The following ROBO2 variants were observed in gnomAD, a reference collection of about 807,000 sequenced individuals.
ROBO2 encodes the protein roundabout guidance receptor 2, also known as roundabout homolog 2.
In ROBO2, 53 loss-of-function variants were observed where a neutral mutation model predicts 160.8. That is an observed-to-expected ratio of 0.33 (90% CI 0.26 to 0.41). The LOEUF (loss-of-function observed/expected upper bound fraction) is 0.41, where lower values mean the gene tolerates loss of function less well. ROBO2 is among the 10% of genes least tolerant of loss of function. The pLI is 1.00. For synonymous variants in ROBO2, 664 were observed against 611.7 expected (o/e 1.09, Z -1.26); for missense variants, 1,577 against 1,722.4 (o/e 0.92, Z 1.49).
chr3:76,920,298 TC>T (rs1351191733), intron 2 of ROBO2, among the ~76,000 whole-genome samples: 1 of 152,158 alleles, frequency 6.6e-6, no homozygotes, highest in East Asian at 1.9e-4. Context: ...ATTAGCTTAT[TC>T]ATAAAACAGT....
chr3:77,544,322 T>A (rs181676969), intron 6 of ROBO2, among the ~76,000 whole-genome samples: 3 of 152,176 alleles, frequency 2.0e-5, no homozygotes, highest in Non-Finnish European at 2.9e-5. Context: ...AAGCAACTAA[T>A]CTCCTGAAAA....
At chr3:76,654,713 T>C (rs2091414185) in intron 2 of ROBO2, among the ~76,000 whole-genome samples, 1 of 151,942 alleles carries the variant, frequency 6.6e-6, no homozygotes, top group Non-Finnish European at 1.5e-5. Context: ...TAAGAAGCGC[T>C]ATACCAAGAA....
chr3:77,084,079 G>A (rs1299428049), intron 1 of ROBO2, among the ~76,000 whole-genome samples: 4 of 152,002 alleles, frequency 2.6e-5, no homozygotes, highest in Non-Finnish European at 5.9e-5. Context: ...GAAATTATTA[G>A]ACAATTCACA....
chr3:76,800,273 G>A (rs1032552754), intron 2 of ROBO2, among the ~76,000 whole-genome samples: 1 of 152,060 alleles, frequency 6.6e-6, no homozygotes, highest in African/African-American at 2.4e-5. Flanking sequence ...ACTACTAAAC[G>A]GAAACATTAG....
chr3:76,680,599 A>T (rs2092534562), intron 2 of ROBO2, among the ~76,000 whole-genome samples: 1 of 152,044 alleles, frequency 6.6e-6, no homozygotes, highest in Non-Finnish European at 1.5e-5. Context: ...TCCTTTCCAT[A>T]TTCCCACATA....
At chr3:75,933,127 T>C (rs917469316) in intron 1 of ROBO2, among the ~76,000 whole-genome samples, 1 of 152,208 alleles carries the variant, frequency 6.6e-6, no homozygotes, top group African/African-American at 2.4e-5. Flanking sequence ...GGCTCCAGTA[T>C]ACATCTTAAT....
At chr3:77,313,055 A>C (rs2063682696) in intron 2 of ROBO2, among the ~76,000 whole-genome samples, 1 of 152,202 alleles carries the variant, frequency 6.6e-6, no homozygotes, top group Non-Finnish European at 1.5e-5. Flanking sequence ...TCTTATGTGG[A>C]AATGGTGTAG....
At chr3:77,135,034 A>G (rs1000032698) in intron 2 of ROBO2, among the ~76,000 whole-genome samples, 2 of 152,164 alleles carry the variant, frequency 1.3e-5, no homozygotes, top group African/African-American at 4.8e-5. Context: ...CATTAACTGC[A>G]GTTGGTATCA....
intron 2 of ROBO2, among the ~76,000 whole-genome samples, chr3:76,708,880 A>G (rs1428564409): frequency 6.6e-6 from 1 of 152,268 alleles, no homozygotes; most frequent in African/African-American, 2.4e-5. Flanking sequence ...CACCCAAGAG[A>G]TATTAGGTAA....
intron 2 of ROBO2, among the ~76,000 whole-genome samples, chr3:76,766,862 G>C (rs1366319386): frequency 6.6e-6 from 1 of 151,570 alleles, no homozygotes; most frequent in Non-Finnish European, 1.5e-5. Context: ...CTATGGAACT[G>C]TAGACTGTGT....
chr3:76,703,483 T>G (rs2093089992), intron 2 of ROBO2, among the ~76,000 whole-genome samples: 1 of 152,052 alleles, frequency 6.6e-6, no homozygotes, highest in East Asian at 1.9e-4. Flanking sequence ...GTCACCTACA[T>G]TAGGTATTTC....
chr3:76,039,987 A>T lies in ROBO2; in HGVS notation c.109+102385A>T, dbSNP rs920000623. On this transcript the variant is annotated intron_variant, in intron 2 of 26. Coordinates refer to the ROBO2 transcript ENST00000487694. ...TTATTGCTGTGTTAAATAATATCTG[A>T]CTTGTAATTAAAAATGAATGTAGGT... Among the ~76,000 whole-genome samples, 6 of 152,124 alleles carry T rather than the reference A, an allele frequency of 3.9e-5. No homozygotes were observed. The South Asian group carries it at 1.2e-3, about 31-fold the overall frequency.
chr3:76,394,028 G>A (rs1237984245), intron 2 of ROBO2, among the ~76,000 whole-genome samples: 3 of 152,132 alleles, frequency 2.0e-5, no homozygotes, highest in African/African-American at 4.8e-5. Flanking sequence ...GTCTCTGCAC[G>A]TGAGATGGGT....
intron 5 of ROBO2, among the ~76,000 whole-genome samples, chr3:77,519,801 T>C (rs2090403566): frequency 6.6e-6 from 1 of 151,394 alleles, no homozygotes; most frequent in East Asian, 1.9e-4. Flanking sequence ...TACACGGTAA[T>C]TGGATTGCTG....
chr3:76,234,002 C>T (rs1379546393), intron 2 of ROBO2, among the ~76,000 whole-genome samples: 1 of 152,142 alleles, frequency 6.6e-6, no homozygotes, highest in African/African-American at 2.4e-5. Flanking sequence ...ACCCCAATAT[C>T]TGTTGTTTCC....
At chr3:76,597,841 A>C (rs576635355) in intron 2 of ROBO2, among the ~76,000 whole-genome samples, 5 of 152,158 alleles carry the variant, frequency 3.3e-5, no homozygotes, top group African/African-American at 1.2e-4. Context: ...TATGGCCTCC[A>C]TCTCCATCCA....
chr3:76,514,238 T>C (rs1052929159), intron 2 of ROBO2, among the ~76,000 whole-genome samples: 1 of 152,158 alleles, frequency 6.6e-6, no homozygotes. Context: ...CTGAGAGTGA[T>C]TTCTAGATGT....
intron 2 of ROBO2, among the ~76,000 whole-genome samples, chr3:76,362,429 T>A (rs1052959009): frequency 1.3e-5 from 2 of 152,084 alleles, no homozygotes; most frequent in African/African-American, 4.8e-5. Flanking sequence ...ATGATGGTAA[T>A]TGGTTGCTTA....
chr3:76,389,130 C>A (rs1326049910), intron 2 of ROBO2, among the ~76,000 whole-genome samples: 1 of 152,138 alleles, frequency 6.6e-6, no homozygotes, highest in East Asian at 1.9e-4. Flanking sequence ...GCTTTTGTAC[C>A]TTATACATTG....
Sources: gnomAD v4.1 joint callset for allele counts (sites outside exome capture counted in the v4.1 genomes callset) on GRCh38, gnomAD v4.1.1 for gene constraint, MANE v1.5 for transcripts, NCBI Gene and HGNC (gene_info 2026-07-23, HGNC 2026-07-21) for gene names.